SUSD4: variants seen among roughly 807,000 people sequenced by gnomAD.
SUSD4 encodes sushi domain-containing protein 4.
A neutral mutation model predicts 50.5 loss-of-function variants in SUSD4; 41 were observed. The observed-to-expected ratio is 0.81, with a 90% confidence interval of 0.63 to 1.05. The LOEUF (loss-of-function observed/expected upper bound fraction) is 1.05. SUSD4 is among the 50% of genes least tolerant of loss of function. The pLI, the probability that SUSD4 is intolerant of heterozygous loss-of-function variation, is 0.00. For missense variants in SUSD4, 580 were observed against 634.7 expected (o/e 0.91, Z 0.93); for synonymous variants, 257 against 257.3 (o/e 1.00, Z 0.01).
chr1:223,298,862 G>A (rs746493882), intron 2 of SUSD4, among the ~76,000 whole-genome samples: 4 of 152,170 alleles, frequency 2.6e-5, no homozygotes, highest in Non-Finnish European at 4.4e-5. Flanking sequence ...CACTTCCTCT[G>A]TTTTCAAGTA....
At chr1:223,263,813 G>T (rs913581428) in intron 5 of SUSD4, 2 of 985,316 alleles carry the variant, frequency 2.0e-6, no homozygotes, top group African/African-American at 3.5e-5. Context: ...ATATTCCATT[G>T]TTTTGCTTTG....
chr1:223,316,471 T>C (rs895020556), intron 2 of SUSD4, among the ~76,000 whole-genome samples: 7 of 151,872 alleles, frequency 4.6e-5, no homozygotes, highest in Non-Finnish European at 1.0e-4. Flanking sequence ...AGGAAGGGGG[T>C]TGGAACAAAG....
chr1:223,277,079 G>A (rs551374429), intron 3 of SUSD4, among the ~76,000 whole-genome samples: 7 of 152,270 alleles, frequency 4.6e-5, no homozygotes, highest in African/African-American at 1.4e-4. Flanking sequence ...GGAGTTATCT[G>A]CCAATTTTAC....
At chr1:223,259,907 C>T (rs527565743) in intron 5 of SUSD4, among the ~76,000 whole-genome samples, 6 of 152,230 alleles carry the variant, frequency 3.9e-5, no homozygotes, top group South Asian at 2.1e-4. Flanking sequence ...GCGTCTATAC[C>T]GATGAGCTCC....
intron 5 of SUSD4, among the ~76,000 whole-genome samples, chr1:223,246,720 GGCTCCCCTT>G (rs1279963368): frequency 6.6e-6 from 1 of 152,120 alleles, no homozygotes; most frequent in African/African-American, 2.4e-5. Flanking sequence ...GCCCTCTGAA[GGCTCCCCTT>G]TTCCGAATGA....
intron 5 of SUSD4, among the ~76,000 whole-genome samples, chr1:223,232,983 A>G (rs1270593749): frequency 6.6e-6 from 1 of 152,236 alleles, no homozygotes; most frequent in Non-Finnish European, 1.5e-5. Flanking sequence ...AGCTATTAGT[A>G]TCACTGGTGT....
At chr1:223,270,661 G>A (rs556983197) in intron 3 of SUSD4, among the ~76,000 whole-genome samples, 108 of 152,106 alleles carry the variant, frequency 7.1e-4, no homozygotes, top group African/African-American at 2.0e-3. Context: ...CCTCCACCTC[G>A]CAGGTCCAAG....
chr1:223,340,520 T>C (rs1432354607), intron 2 of SUSD4, among the ~76,000 whole-genome samples: 1 of 152,200 alleles, frequency 6.6e-6, no homozygotes, highest in Non-Finnish European at 1.5e-5. Context: ...GAGAGTAGTG[T>C]GCCACAATCA....
At chr1:223,326,886 T>C (rs991820757) in intron 2 of SUSD4, among the ~76,000 whole-genome samples, 32 of 152,130 alleles carry the variant, frequency 2.1e-4, no homozygotes, top group African/African-American at 7.7e-4. Context: ...AATGACATAC[T>C]GCTAGTGAAA....
intron 2 of SUSD4, among the ~76,000 whole-genome samples, chr1:223,336,793 A>G (rs151209222): frequency 1.3e-5 from 2 of 152,200 alleles, no homozygotes; most frequent in African/African-American, 2.4e-5. Context: ...ATCAAATGCT[A>G]ATTCTATCTC....
chr1:223,265,230 G>A (rs1479036581), intron 4 of SUSD4, among the ~76,000 whole-genome samples: 1 of 152,204 alleles, frequency 6.6e-6, no homozygotes, highest in African/African-American at 2.4e-5. Context: ...TAAGAGGAAA[G>A]AGACACCGCC....
intron 2 of SUSD4, among the ~76,000 whole-genome samples, chr1:223,327,279 A>G (rs1301729309): frequency 6.6e-6 from 1 of 152,228 alleles, no homozygotes; most frequent in Non-Finnish European, 1.5e-5. Flanking sequence ...GAACTAAGCT[A>G]TGAGTACTCA....
chr1:223,245,224 T>C (rs147335401), intron 5 of SUSD4, among the ~76,000 whole-genome samples: 165 of 151,534 alleles, frequency 1.1e-3, no homozygotes, highest in African/African-American at 3.7e-3. Context: ...GGGACTTGTA[T>C]TATGTGTTTG....
At chr1:223,230,444 G>A (rs1659819635) in intron 5 of SUSD4, 1 of 151,990 alleles carries the variant, frequency 6.6e-6, no homozygotes, top group South Asian at 2.1e-4. Flanking sequence ...CTCCCTTGGG[G>A]TAACCAAACA....
intron 7 of SUSD4, among the ~76,000 whole-genome samples, chr1:223,225,021 C>T (rs1329291836): frequency 6.6e-6 from 1 of 151,836 alleles, no homozygotes; most frequent in Non-Finnish European, 1.5e-5. Context: ...AGGCATGCAC[C>T]ACCACCCCCA....
chr1:223,331,231 G>A (rs1667153320), intron 2 of SUSD4, among the ~76,000 whole-genome samples: 1 of 152,202 alleles, frequency 6.6e-6, no homozygotes, highest in African/African-American at 2.4e-5. Flanking sequence ...CCAAGAATCA[G>A]AAGAGTAATA....
chr1:223,277,969 T>A (rs974538464), intron 3 of SUSD4, among the ~76,000 whole-genome samples: 2 of 152,156 alleles, frequency 1.3e-5, no homozygotes, highest in African/African-American at 2.4e-5. Context: ...GATTTTTTTT[T>A]AAATGCAGAT....
At chr1:223,232,584 A>T (rs1395784659) in intron 5 of SUSD4, among the ~76,000 whole-genome samples, 1 of 152,118 alleles carries the variant, frequency 6.6e-6, no homozygotes, top group Non-Finnish European at 1.5e-5. Flanking sequence ...TATCAGCAGC[A>T]TTTTTTTCTC....
At position 223,260,500 on chromosome 1, in the gene SUSD4, A is replaced by T. The variant is rs946436293; in HGVS notation, c.724+4130T>A. On this transcript the variant is annotated intron_variant, in intron 5 of 8. Transcript: ENST00000366878. ...ACAGATGGAGGTGAGGGCCTCAGGG[A>T]GGAAGAGAACCCGAGAGTGGAAAGC... 2.4e-4 allele frequency among the ~76,000 whole-genome samples: 36 copies of T among 152,190 alleles called. 1 individual carries two copies. Among genetic ancestry groups the T allele is most frequent in the African/African-American group, 8.4e-4 (35 of 41,442 alleles).
Sources: allele counts gnomAD v4.1 joint callset (sites outside exome capture counted in the v4.1 genomes callset), GRCh38; gene constraint gnomAD v4.1.1; transcripts MANE v1.5; gene names NCBI Gene and HGNC (gene_info 2026-07-23, HGNC 2026-07-21).